Variants in SCOC observed in about 807,000 individuals in gnomAD.
SCOC encodes the protein short coiled coil protein.
SCOC carries 7 observed loss-of-function variants against 9.9 expected under a neutral mutation model. The observed-to-expected ratio is 0.71, with a 90% CI of 0.40 to 1.33. SCOC has a LOEUF of 1.33. Among genes scored for constraint, SCOC ranks in the 40% most tolerant of loss-of-function variants. The pLI is 0.01. For synonymous variants in SCOC, 19 were observed against 28.2 expected (o/e 0.67, Z 1.03); for missense variants, 66 against 89.7 (o/e 0.74, Z 1.07).
chr4:140,367,589 A>G (rs897917993), intron 2 of SCOC, among the ~76,000 whole-genome samples: 1 of 152,052 alleles, frequency 6.6e-6, no homozygotes, highest in African/African-American at 2.4e-5. Context: ...CATGTTGGCC[A>G]GAATGGTCTT....
chr4:140,320,255 T>C (rs1455850852), intron 1 of SCOC, among the ~76,000 whole-genome samples: 1 of 152,134 alleles, frequency 6.6e-6, no homozygotes, highest in African/African-American at 2.4e-5. Flanking sequence ...AGTTTACAAA[T>C]GCCATGACAA....
intron 2 of SCOC, 134 bp downstream of exon 2, chr4:140,379,326 A>C (rs1287445274): frequency 1.4e-6 from 1 of 736,624 alleles, no homozygotes; most frequent in Non-Finnish European, 2.4e-6. Context: ...TATCTCATCT[A>C]GTGTTAGAAA....
At chr4:140,360,023 T>C (rs1341477831) in intron 2 of SCOC, among the ~76,000 whole-genome samples, 2 of 152,170 alleles carry the variant, frequency 1.3e-5, no homozygotes, top group African/African-American at 4.8e-5. Flanking sequence ...CTCCTCTGGG[T>C]CTCATTTTCC....
At chr4:140,267,825 GT>G (rs1730762989) in intron 1 of SCOC, among the ~76,000 whole-genome samples, 1 of 152,106 alleles carries the variant, frequency 6.6e-6, no homozygotes, top group South Asian at 2.1e-4. Context: ...CATCCCTTGT[GT>G]AATTGATCCC....
At chr4:140,292,846 C>T (rs1333722052) in intron 1 of SCOC, among the ~76,000 whole-genome samples, 1 of 152,154 alleles carries the variant, frequency 6.6e-6, no homozygotes, top group African/African-American at 2.4e-5. Flanking sequence ...CATGTTTCCC[C>T]AACTGGGACC....
chr4:140,346,936 T>G (rs1391119153), intron 2 of SCOC, among the ~76,000 whole-genome samples: 2 of 152,176 alleles, frequency 1.3e-5, no homozygotes, highest in South Asian at 4.1e-4. Context: ...TAGATTGAAC[T>G]ATGTATCTTT....
At chr4:140,323,927 C>A (rs1435095338) in intron 1 of SCOC, among the ~76,000 whole-genome samples, 3 of 152,044 alleles carry the variant, frequency 2.0e-5, no homozygotes, top group Non-Finnish European at 2.9e-5. Context: ...GAAAAGAAAA[C>A]TATAGCCCAA....
chr4:140,282,722 TA>T (rs1158202800), intron 1 of SCOC, among the ~76,000 whole-genome samples: 3 of 152,222 alleles, frequency 2.0e-5, no homozygotes, highest in Admixed American at 6.5e-5. Context: ...TTTATCTCTT[TA>T]ACCTCTGTTT....
At chr4:140,304,817 T>A (rs1406403845) in intron 1 of SCOC, among the ~76,000 whole-genome samples, 1 of 152,186 alleles carries the variant, frequency 6.6e-6, no homozygotes, top group Non-Finnish European at 1.5e-5. Context: ...CCAACAAACC[T>A]AACGCTGCCC....
intron 1 of SCOC, among the ~76,000 whole-genome samples, chr4:140,286,749 C>T (rs1296114413): frequency 6.6e-6 from 1 of 152,188 alleles, no homozygotes; most frequent in Non-Finnish European, 1.5e-5. Context: ...GTGCGGGAGG[C>T]GGGGCGCTGG....
intron 1 of SCOC, among the ~76,000 whole-genome samples, chr4:140,293,618 A>T (rs1437258456): frequency 6.6e-6 from 1 of 152,220 alleles, no homozygotes; most frequent in Non-Finnish European, 1.5e-5. Flanking sequence ...CTGAGTAGAG[A>T]ATTCCACGCC....
At chr4:140,315,685 T>C (rs1480648294) in intron 1 of SCOC, among the ~76,000 whole-genome samples, 3 of 152,220 alleles carry the variant, frequency 2.0e-5, no homozygotes, top group African/African-American at 4.8e-5. Flanking sequence ...GTATGTGTTC[T>C]GTGTTCCACT....
At chr4:140,299,856 C>A (rs1731761860) in intron 1 of SCOC, among the ~76,000 whole-genome samples, 1 of 152,160 alleles carries the variant, frequency 6.6e-6, no homozygotes, top group South Asian at 2.1e-4. Context: ...TATTTTCCAC[C>A]CACTTCACAG....
chr4:140,346,146 A>G (rs1304262672), intron 2 of SCOC, among the ~76,000 whole-genome samples: 1 of 152,096 alleles, frequency 6.6e-6, no homozygotes, highest in African/African-American at 2.4e-5. Flanking sequence ...CTGCATGGAT[A>G]TTGAGTGGCA....
chr4:140,379,526 A>G, intron 2 of SCOC, 43 bp from the exon 3 acceptor site: 3 of 1,382,978 alleles, frequency 2.2e-6, no homozygotes, highest in Non-Finnish European at 3.1e-6. Context: ...ACACAAATGT[A>G]CCTAATGCTA....
intron 1 of SCOC, among the ~76,000 whole-genome samples, chr4:140,304,714 G>A (rs1731915125): frequency 2.6e-5 from 4 of 152,200 alleles, no homozygotes; most frequent in Admixed American, 2.0e-4. Flanking sequence ...AGGAAGGCTG[G>A]TCTTTGGGAA....
rs1180229553 is a variant in SCOC at position 140,381,707 on chromosome 4, C to G, written c.*603C>G. ...AGTGTTAAGATAGGAATGCTAGTGT[C>G]TCTTTAATTAATTGGAAATAGATGG... On this transcript the variant is annotated 3_prime_UTR_variant, in exon 4 of 4. Transcript: ENST00000608372. The G allele has an allele frequency of 6.6e-6, 1 of 152,144 alleles. No individual in the cohort carries two copies. Among genetic ancestry groups the G allele is most frequent in the Non-Finnish European group, 1.5e-5 (1 of 68,022 alleles). The allele number at this position is 152,144 out of a possible 1,614,324, so 9.4% of individuals were successfully genotyped here.
At chr4:140,290,949 A>G (rs1278479732) in intron 1 of SCOC, among the ~76,000 whole-genome samples, 1 of 152,256 alleles carries the variant, frequency 6.6e-6, no homozygotes, top group Non-Finnish European at 1.5e-5. Flanking sequence ...GGCTTTCTCA[A>G]AAAGCATATA....
intron 1 of SCOC, among the ~76,000 whole-genome samples, chr4:140,318,922 G>C (rs17005740): frequency 0.028 from 4,262 of 152,130 alleles, 122 homozygotes; most frequent in South Asian, 0.093. Context: ...TCTATTCCAA[G>C]GCCTCCCTTC....
Sources: gnomAD v4.1 joint callset for allele counts (sites outside exome capture counted in the v4.1 genomes callset) on GRCh38, gnomAD v4.1.1 for gene constraint, MANE v1.5 for transcripts, NCBI Gene and HGNC (gene_info 2026-07-23, HGNC 2026-07-21) for gene names.